The following HPSE2 variants were observed in gnomAD, a reference collection of about 807,000 sequenced individuals.
HPSE2 encodes heparanase 2 (inactive).
A neutral mutation model predicts 60.5 loss-of-function variants in HPSE2; 38 were observed. The observed-to-expected ratio is 0.63, with a 90% CI of 0.48 to 0.82. The LOEUF (loss-of-function observed/expected upper bound fraction) is 0.82, where lower values mean the gene tolerates loss of function less well. Among genes scored for constraint, HPSE2 ranks in the 40% least tolerant of loss-of-function variants. HPSE2 has a pLI of 0.00. For synonymous variants in HPSE2, 295 were observed against 293.2 expected (o/e 1.01, Z -0.06); for missense variants, 713 against 740.4 (o/e 0.96, Z 0.43).
chr10:98,762,821 A>G (rs2065877), intron 3 of HPSE2, among the ~76,000 whole-genome samples: 107,545 of 151,960 alleles, frequency 0.71, 39,093 homozygotes, highest in South Asian at 0.81. Flanking sequence ...CAAAAAGAAA[A>G]TCTGACCAAT....
chr10:99,289,008 G>A, the HPSE2 span, among the ~76,000 whole-genome samples: 5 of 152,046 alleles, frequency 3.3e-5, no homozygotes, highest in Middle Eastern at 3.4e-3. Context: ...AATTAAATTG[G>A]GCCATGGTCA....
chr10:98,476,378 G>A (rs1447162148), intron 11 of HPSE2, among the ~76,000 whole-genome samples: 3 of 146,560 alleles, frequency 2.0e-5, no homozygotes, highest in Non-Finnish European at 3.0e-5. Context: ...GCTAAATGAC[G>A]AGTTAATGGG....
chr10:98,964,827 C>A (rs1300751676), intron 3 of HPSE2, among the ~76,000 whole-genome samples: 1 of 152,130 alleles, frequency 6.6e-6, no homozygotes, highest in African/African-American at 2.4e-5. Context: ...ACAAATAACT[C>A]AATTTCATTA....
At chr10:98,544,430 G>A (rs1051399859) in intron 9 of HPSE2, among the ~76,000 whole-genome samples, 2 of 152,046 alleles carry the variant, frequency 1.3e-5, no homozygotes, top group African/African-American at 4.8e-5. Context: ...ACTAGAGAAG[G>A]CCGGGCGCGG....
intron 9 of HPSE2, among the ~76,000 whole-genome samples, chr10:98,583,036 G>C (rs1564987476): frequency 6.6e-6 from 1 of 152,054 alleles, no homozygotes; most frequent in East Asian, 1.9e-4. Flanking sequence ...GACTAGGGGG[G>C]CATAGGGAAG....
At chr10:99,141,757 C>T (rs532338184) in intron 3 of HPSE2, among the ~76,000 whole-genome samples, 1 of 152,302 alleles carries the variant, frequency 6.6e-6, no homozygotes, top group South Asian at 2.1e-4. Context: ...CAACAGCTGA[C>T]AGTCACATCA....
intron 3 of HPSE2, among the ~76,000 whole-genome samples, chr10:99,137,570 A>G (rs1438974563): frequency 6.6e-6 from 1 of 152,208 alleles, no homozygotes; most frequent in African/African-American, 2.4e-5. Flanking sequence ...AAAAGAACAG[A>G]GGCCTCAGAA....
At chr10:99,228,496 G>C (rs1239971634) in intron 2 of HPSE2, among the ~76,000 whole-genome samples, 1 of 152,076 alleles carries the variant, frequency 6.6e-6, no homozygotes, top group African/African-American at 2.4e-5. Flanking sequence ...AATACAAAGA[G>C]GGGAAGACTG....
intron 5 of HPSE2, among the ~76,000 whole-genome samples, chr10:98,720,483 T>C (rs1948895402): frequency 2.0e-5 from 3 of 152,240 alleles, no homozygotes; most frequent in South Asian, 2.1e-4. Flanking sequence ...TTTATTGCTA[T>C]AGATATTAGG....
intron 3 of HPSE2, among the ~76,000 whole-genome samples, chr10:98,930,423 G>A (rs960618181): frequency 6.9e-6 from 1 of 144,276 alleles, no homozygotes; most frequent in Non-Finnish European, 1.5e-5. Flanking sequence ...CTTTGCTATT[G>A]TGAATAGTGC....
chr10:98,532,843 A>G (rs745484058), intron 9 of HPSE2, among the ~76,000 whole-genome samples: 2 of 152,150 alleles, frequency 1.3e-5, no homozygotes, highest in Non-Finnish European at 2.9e-5. Context: ...AGACCCTGGA[A>G]GAGCTTCCTT....
intron 3 of HPSE2, among the ~76,000 whole-genome samples, chr10:99,114,693 T>C (rs974643998): frequency 1.3e-5 from 2 of 151,942 alleles, no homozygotes; most frequent in African/African-American, 4.8e-5. Context: ...GACGGGTGGA[T>C]CACGAGGTCA....
the HPSE2 span, among the ~76,000 whole-genome samples, chr10:99,272,217 C>T: frequency 1.2e-4 from 18 of 151,786 alleles, no homozygotes; most frequent in African/African-American, 4.4e-4. Context: ...TTGCAGTGAG[C>T]CCAGATTGCA....
At chr10:99,210,237 T>C (rs1446392278) in intron 2 of HPSE2, among the ~76,000 whole-genome samples, 1 of 151,940 alleles carries the variant, frequency 6.6e-6, no homozygotes, top group Non-Finnish European at 1.5e-5. Flanking sequence ...AAATAAAAAA[T>C]CTGAACAGAC....
In HPSE2 at chr10:98,597,835, G is replaced by A. The variant is rs546974076; in HGVS notation, c.1320+17069C>T. Among the ~76,000 whole-genome samples the A allele has an allele frequency of 2.6e-5, 4 of 151,632 alleles. No individual in the cohort carries two copies. The East Asian group carries it at 7.8e-4, about 29-fold the overall frequency. ...AAAATACAAAAATTAGCTGGGCATG[G>A]TGGTGCGTGGCTGTAATCCAAGCTA... On this transcript the variant is annotated intron_variant, in intron 9 of 11. Transcript: ENST00000370552.
At chr10:98,963,332 A>C (rs1485960760) in intron 3 of HPSE2, among the ~76,000 whole-genome samples, 1 of 152,170 alleles carries the variant, frequency 6.6e-6, no homozygotes, top group East Asian at 1.9e-4. Context: ...AATAAACTCT[A>C]ATTCCCACAC....
chr10:98,673,244 G>A (rs920982821), intron 6 of HPSE2, among the ~76,000 whole-genome samples: 1 of 152,260 alleles, frequency 6.6e-6, no homozygotes, highest in Middle Eastern at 3.4e-3. Context: ...GGGATCAAAT[G>A]ACACTAGAGA....
intron 4 of HPSE2, among the ~76,000 whole-genome samples, chr10:98,729,647 G>T (rs1003485773): frequency 3.3e-5 from 5 of 151,598 alleles, no homozygotes; most frequent in Admixed American, 3.3e-4. Flanking sequence ...TAAAAAGGTA[G>T]ACTATATAAA....
At chr10:99,024,317 CAATG>C (rs1957329622) in intron 3 of HPSE2, among the ~76,000 whole-genome samples, 2 of 152,018 alleles carry the variant, frequency 1.3e-5, no homozygotes, top group African/African-American at 4.8e-5. Flanking sequence ...GAATAAAAAA[CAATG>C]AAGCACACCT....
Sources: allele counts gnomAD v4.1 joint callset (sites outside exome capture counted in the v4.1 genomes callset), GRCh38; gene constraint gnomAD v4.1.1; transcripts MANE v1.5; gene names NCBI Gene and HGNC (gene_info 2026-07-23, HGNC 2026-07-21).